EIF4G3: variants seen among roughly 807,000 people sequenced by gnomAD.
EIF4G3 encodes the protein eukaryotic translation initiation factor 4 gamma 3, also known as eIF-4-gamma 3.
A neutral mutation model predicts 186.4 loss-of-function variants in EIF4G3; 34 were observed. The observed-to-expected ratio is 0.18, with a 90% CI of 0.14 to 0.24. The LOEUF is 0.24. EIF4G3 is among the 10% of genes least tolerant of loss of function. The pLI is 1.00. For synonymous variants in EIF4G3, 673 were observed against 679.5 expected, an observed-to-expected ratio of 0.99 and a Z score of 0.15; for missense variants, 1,536 against 1,948.5, an observed-to-expected ratio of 0.79 and a Z score of 3.99.
intron 7 of EIF4G3, among the ~76,000 whole-genome samples, chr1:20,992,728 T>G (rs1408601022): frequency 6.6e-6 from 1 of 152,218 alleles, no homozygotes; most frequent in African/African-American, 2.4e-5. Context: ...TTCCCTGGTC[T>G]TTCTCATAAT....
chr1:20,835,777 A>G (rs1461471860), intron 30 of EIF4G3, among the ~76,000 whole-genome samples: 1 of 152,066 alleles, frequency 6.6e-6, no homozygotes, highest in Non-Finnish European at 1.5e-5. Context: ...ATCTCTACAA[A>G]AAATAAAAAA....
rs765212707 is a variant in EIF4G3 at position 20,810,905 on chromosome 1, A to G, written c.4598-21T>C. On this transcript the variant is annotated intron_variant, in intron 35 of 36. Coordinates refer to ENST00000602326, the MANE Select transcript of EIF4G3 (RefSeq NM_001391906.1). This position sits in a 1 kb window ranked among gnomAD's most constrained non-coding sequence, Gnocchi z 4.1. Reference sequence around the variant, plus strand: ...GTCGGCTAAAGGTGATAGAAGAACTAGGAATTACATTTAAGGAGTTAACAT... The same window carrying G: ...GTCGGCTAAAGGTGATAGAAGAACTGGGAATTACATTTAAGGAGTTAACAT... The G allele has an allele frequency of 4.4e-6, 7 of 1,601,940 alleles. No individual in the cohort carries two copies. Among genetic ancestry groups the G allele is most frequent in the Non-Finnish European group, 6.0e-6 (7 of 1,171,638 alleles).
At chr1:20,929,298 G>C (rs1274663365) in intron 14 of EIF4G3, 1 of 152,120 alleles carries the variant, frequency 6.6e-6, no homozygotes, top group Non-Finnish European at 1.5e-5. Context: ...ACTGTTCTAA[G>C]GAGGCCTTCT....
chr1:21,046,387 G>A (rs2093890640), intron 4 of EIF4G3, among the ~76,000 whole-genome samples: 1 of 152,222 alleles, frequency 6.6e-6, no homozygotes, highest in Admixed American at 6.5e-5. Context: ...ATACACAGGT[G>A]TGGTGAAGCA....
chr1:21,089,419 A>T (rs2096107290), intron 2 of EIF4G3, among the ~76,000 whole-genome samples: 1 of 152,218 alleles, frequency 6.6e-6, no homozygotes, highest in South Asian at 2.1e-4. Flanking sequence ...CATGATAAAC[A>T]TTCCATGGAA....
At chr1:20,961,142 T>G (rs1573562972) in intron 12 of EIF4G3, among the ~76,000 whole-genome samples, 1 of 152,152 alleles carries the variant, frequency 6.6e-6, no homozygotes, top group South Asian at 2.1e-4. Context: ...CCCAGCACTT[T>G]GGGAGGCCGA....
intron 4 of EIF4G3, among the ~76,000 whole-genome samples, chr1:21,012,856 C>T (rs949374085): frequency 6.6e-6 from 1 of 152,108 alleles, no homozygotes; most frequent in East Asian, 1.9e-4. Flanking sequence ...AGAAGTGGCA[C>T]GCCGCTGTAA....
chr1:21,037,219 G>T (rs1216653571), intron 4 of EIF4G3, among the ~76,000 whole-genome samples: 3 of 141,944 alleles, frequency 2.1e-5, no homozygotes, highest in African/African-American at 5.2e-5. Context: ...AAAATTAACA[G>T]TACCAGTCAG....
intron 19 of EIF4G3, among the ~76,000 whole-genome samples, chr1:20,882,563 G>A (rs576681414): frequency 4.0e-5 from 6 of 151,782 alleles, no homozygotes; most frequent in Admixed American, 1.3e-4. Context: ...GGAGGTTGCA[G>A]TGAGCTGAGA....
chr1:20,882,176 T>TAC (rs138208807), intron 19 of EIF4G3, among the ~76,000 whole-genome samples: 7,214 of 86,900 alleles, frequency 0.083, 208 homozygotes, highest in Non-Finnish European at 0.11. Flanking sequence ...AAAGAAAAAT[T>TAC]ACACACACAC....
At chr1:21,015,595 C>T (rs1023421236) in intron 4 of EIF4G3, among the ~76,000 whole-genome samples, 1 of 151,804 alleles carries the variant, frequency 6.6e-6, no homozygotes, top group Admixed American at 6.6e-5. Context: ...CCTGTCTATA[C>T]AAAAAACAAA....
intron 12 of EIF4G3, among the ~76,000 whole-genome samples, chr1:20,960,224 T>C (rs924846699): frequency 6.0e-5 from 9 of 150,632 alleles, no homozygotes; most frequent in African/African-American, 2.2e-4. Flanking sequence ...CCCAGCACTT[T>C]GGGAGGCTGA....
At chr1:21,134,848 T>C (rs913274371) in intron 2 of EIF4G3, among the ~76,000 whole-genome samples, 5 of 152,084 alleles carry the variant, frequency 3.3e-5, no homozygotes, top group African/African-American at 1.2e-4. Flanking sequence ...TATGTTATAG[T>C]GTATTTTTAT....
chr1:20,919,166 T>C (rs1373925710), intron 14 of EIF4G3, among the ~76,000 whole-genome samples: 1 of 152,206 alleles, frequency 6.6e-6, no homozygotes, highest in East Asian at 1.9e-4. Flanking sequence ...AACTTATACA[T>C]ATTGTCTTTT....
chr1:20,954,508 C>A (rs1016571672), intron 12 of EIF4G3, among the ~76,000 whole-genome samples: 2 of 139,652 alleles, frequency 1.4e-5, no homozygotes, highest in Non-Finnish European at 3.0e-5. Context: ...TGCATTCCAG[C>A]CTGGCGAGAG....
intron 2 of EIF4G3, among the ~76,000 whole-genome samples, chr1:21,104,044 G>C (rs1301263790): frequency 6.6e-6 from 1 of 152,038 alleles, no homozygotes; most frequent in Non-Finnish European, 1.5e-5. Context: ...ATTATAAAAT[G>C]GTGATAGCAA....
chr1:20,928,392 C>A (rs962221942), intron 14 of EIF4G3, among the ~76,000 whole-genome samples: 3 of 152,032 alleles, frequency 2.0e-5, no homozygotes, highest in African/African-American at 7.2e-5. Flanking sequence ...GCTGGTGGCA[C>A]CACCATATCA....
At position 21,072,793 on chromosome 1, in the gene EIF4G3, A is replaced by G. The variant is rs376690586; in HGVS notation, c.-196+16345T>C. ...ACCACACTAAGCTTGTTCAGATTTC[A>G]TATCAAATAAACGGTATGAATAGTT... On this transcript the variant is annotated intron_variant, in intron 3 of 36. Transcript: ENST00000602326. Among the ~76,000 whole-genome samples, 95 of 152,378 alleles carry G rather than the reference A, an allele frequency of 6.2e-4. 1 individual carries two copies. The South Asian group carries it at 0.019, about 30-fold the overall frequency.
intron 25 of EIF4G3, among the ~76,000 whole-genome samples, 196 bp from the exon 26 acceptor site, chr1:20,855,267 G>C (rs1308017165): frequency 6.6e-6 from 1 of 152,136 alleles, no homozygotes; most frequent in African/African-American, 2.4e-5. Context: ...GCACTTCCCT[G>C]GACTCCAGTT....
Sources: allele counts gnomAD v4.1 joint callset (sites outside exome capture counted in the v4.1 genomes callset), GRCh38; gene constraint gnomAD v4.1.1; non-coding constraint Gnocchi (gnomAD v3.1); transcripts MANE v1.5; gene names NCBI Gene and HGNC (gene_info 2026-07-23, HGNC 2026-07-21).